Variants in DLG2 observed in about 807,000 individuals in gnomAD.
The protein encoded by DLG2 is discs large MAGUK scaffold protein 2.
DLG2 carries 45 observed loss-of-function variants against 132.5 expected under a neutral mutation model. The ratio of observed to expected loss-of-function variants is 0.34; its 90% CI spans 0.27 to 0.44. The LOEUF (loss-of-function observed/expected upper bound fraction) is 0.44. Ranked by LOEUF, DLG2 falls within the 20% of genes least tolerant of loss-of-function variation. The pLI, the probability that DLG2 is intolerant of heterozygous loss-of-function variation, is 1.00. For missense variants in DLG2, 1,045 were observed against 1,196.9 expected (o/e 0.87, Z 1.87); for synonymous variants, 424 against 419.6 (o/e 1.01, Z -0.13).
chr11:85,501,422 A>G (rs1251559650), intron 3 of DLG2, among the ~76,000 whole-genome samples: 1 of 152,216 alleles, frequency 6.6e-6, no homozygotes, highest in East Asian at 1.9e-4. Context: ...GACAAATGGG[A>G]TCTAATTAAA....
chr11:84,802,121 A>AT (rs1309371015), intron 6 of DLG2, among the ~76,000 whole-genome samples: 3 of 152,070 alleles, frequency 2.0e-5, no homozygotes, highest in Non-Finnish European at 4.4e-5. Context: ...CAAAAAAAAA[A>AT]AAGCATGAGC....
At chr11:84,159,094 C>T (rs2095491566) in intron 9 of DLG2, among the ~76,000 whole-genome samples, 1 of 152,122 alleles carries the variant, frequency 6.6e-6, no homozygotes, top group Non-Finnish European at 1.5e-5. Context: ...AGGCCATGTG[C>T]GTCTATGTTA....
chr11:84,070,570 T>G (rs149593058), intron 10 of DLG2, among the ~76,000 whole-genome samples: 1 of 152,212 alleles, frequency 6.6e-6, no homozygotes, highest in Admixed American at 6.5e-5. Flanking sequence ...ATCCCAGAAA[T>G]AGATGTAGAT....
chr11:83,941,819 A>G (rs1166518838), intron 14 of DLG2, among the ~76,000 whole-genome samples: 3 of 152,260 alleles, frequency 2.0e-5, no homozygotes, highest in Non-Finnish European at 4.4e-5. Context: ...GCATGCAGAT[A>G]GATAATTTTA....
chr11:84,122,337 T>C (rs752620284), intron 9 of DLG2, among the ~76,000 whole-genome samples: 24 of 152,132 alleles, frequency 1.6e-4, no homozygotes, highest in Non-Finnish European at 4.4e-5. Flanking sequence ...AATAAAATAA[T>C]AATTCCTGAA....
chr11:85,500,341 T>C (rs1384890855), intron 3 of DLG2, among the ~76,000 whole-genome samples: 9 of 121,842 alleles, frequency 7.4e-5, no homozygotes, highest in Non-Finnish European at 1.2e-4. Flanking sequence ...AATTGAACAA[T>C]GAGATCACAT....
intron 6 of DLG2, among the ~76,000 whole-genome samples, chr11:84,755,926 A>C (rs2066816987): frequency 6.6e-6 from 1 of 152,230 alleles, no homozygotes; most frequent in South Asian, 2.1e-4. Context: ...TGGAATAAAA[A>C]AATTAATTTT....
chr11:84,138,144 A>T (rs1445939325), intron 9 of DLG2, among the ~76,000 whole-genome samples: 1 of 152,170 alleles, frequency 6.6e-6, no homozygotes, highest in African/African-American at 2.4e-5. Context: ...TATGTATGCA[A>T]TCTTATACTA....
At chr11:84,354,287 G>C (rs2098598210) in intron 7 of DLG2, among the ~76,000 whole-genome samples, 1 of 152,082 alleles carries the variant, frequency 6.6e-6, no homozygotes. Context: ...GTATTGAGTA[G>C]ACATTTGTTA....
chr11:84,721,552 A>G (rs866282209), intron 6 of DLG2, among the ~76,000 whole-genome samples: 3 of 152,192 alleles, frequency 2.0e-5, no homozygotes, highest in Admixed American at 6.5e-5. Context: ...AGACCAAAAA[A>G]AAAAAAAAAT....
At chr11:85,062,026 G>A (rs1229807534) in intron 6 of DLG2, among the ~76,000 whole-genome samples, 1 of 151,750 alleles carries the variant, frequency 6.6e-6, no homozygotes, top group Non-Finnish European at 1.5e-5. Flanking sequence ...GATTGAAGAT[G>A]AACATAATTT....
chr11:84,862,067 G>A (rs2154030043), intron 6 of DLG2, among the ~76,000 whole-genome samples: 1 of 151,180 alleles, frequency 6.6e-6, no homozygotes, highest in African/African-American at 2.4e-5. Flanking sequence ...GGATAGCACT[G>A]GGAGATATAC....
At chr11:83,658,630 A>C (rs2073397108) in intron 18 of DLG2, among the ~76,000 whole-genome samples, 3 of 152,246 alleles carry the variant, frequency 2.0e-5, no homozygotes, top group Admixed American at 2.0e-4. Flanking sequence ...GCCCAGCATG[A>C]CCCACCTTCC....
chr11:83,599,571 C>T (rs1273796207), intron 19 of DLG2, among the ~76,000 whole-genome samples: 2 of 152,186 alleles, frequency 1.3e-5, no homozygotes, highest in Non-Finnish European at 2.9e-5. Flanking sequence ...TGACCACTTA[C>T]CCCTTTCTTT....
At chr11:83,605,071 C>T (rs1213973709) in intron 19 of DLG2, among the ~76,000 whole-genome samples, 1 of 147,530 alleles carries the variant, frequency 6.8e-6, no homozygotes, top group East Asian at 2.0e-4. Context: ...TCAGAAGGGG[C>T]CCAGTTTAAC....
intron 11 of DLG2, among the ~76,000 whole-genome samples, chr11:84,028,244 T>C (rs2095595594): frequency 6.6e-6 from 1 of 152,040 alleles, no homozygotes; most frequent in African/African-American, 2.4e-5. Context: ...CGAACAAATA[T>C]AGAGTCATGA....
chr11:84,723,214 A>G (rs2062035898), intron 6 of DLG2, among the ~76,000 whole-genome samples: 1 of 152,182 alleles, frequency 6.6e-6, no homozygotes, highest in Admixed American at 6.5e-5. Context: ...ATGTTCCAAT[A>G]ATATCTAACA....
chr11:85,194,763 A>T (rs2080901700), intron 4 of DLG2, among the ~76,000 whole-genome samples: 1 of 152,116 alleles, frequency 6.6e-6, no homozygotes, highest in Non-Finnish European at 1.5e-5. Context: ...ACTCATACCG[A>T]TTGGGATGGG....
intron 6 of DLG2, among the ~76,000 whole-genome samples, chr11:85,005,487 C>A (rs1239011481): frequency 6.6e-6 from 1 of 152,126 alleles, no homozygotes; most frequent in South Asian, 2.1e-4. Context: ...CTCTTTGTAG[C>A]AATTCTGAAT....
Sources: gnomAD v4.1 joint callset for allele counts (sites outside exome capture counted in the v4.1 genomes callset) on GRCh38, gnomAD v4.1.1 for gene constraint, MANE v1.5 for transcripts, NCBI Gene and HGNC (gene_info 2026-07-23, HGNC 2026-07-21) for gene names.